Variants in RTF2 observed in about 807,000 individuals in gnomAD.
The protein encoded by RTF2 is UPF0549 protein C20orf43.
RTF2 carries 18 observed loss-of-function variants against 38.0 expected under a neutral mutation model. The observed-to-expected ratio is 0.47, with a 90% CI of 0.33 to 0.70. RTF2 has a LOEUF of 0.70. Among genes scored for constraint, RTF2 ranks in the 30% least tolerant of loss-of-function variants. The pLI is 0.02. For synonymous variants in RTF2, 126 were observed against 137.1 expected (o/e 0.92, Z 0.57); for missense variants, 311 against 379.6 (o/e 0.82, Z 1.50).
chr20:56,509,064 T>C (rs1261422999), intron 5 of RTF2, among the ~76,000 whole-genome samples: 5 of 152,232 alleles, frequency 3.3e-5, no homozygotes, highest in African/African-American at 1.2e-4. Context: ...GTGTAAGATA[T>C]TTTGTCATAA....
chr20:56,502,738 A>C (rs916287677), intron 5 of RTF2, among the ~76,000 whole-genome samples: 12 of 152,214 alleles, frequency 7.9e-5, no homozygotes, highest in African/African-American at 2.9e-4. Flanking sequence ...TTGATTTAGC[A>C]CCCAAAGTTT....
intron 5 of RTF2, chr20:56,491,512 C>T: frequency 3.3e-6 from 4 of 1,205,832 alleles, no homozygotes; most frequent in Non-Finnish European, 4.8e-6. Context: ...TCTCTTGTTT[C>T]AAGTCAAGGA....
intron 5 of RTF2, chr20:56,497,577 A>G: frequency 7.4e-7 from 1 of 1,346,626 alleles, no homozygotes; most frequent in Non-Finnish European, 9.8e-7. Context: ...CCTCACGACA[A>G]GTCCAGACTT....
rs987316789 is a variant in RTF2 at position 56,481,736 on chromosome 20, C to T, written c.399-2375C>T. Among the ~76,000 whole-genome samples, 10 of 152,292 alleles carry T rather than the reference C, an allele frequency of 6.6e-5. No individual in the cohort carries two copies. The South Asian group carries it at 1.7e-3, about 25-fold the overall frequency. On this transcript the variant is annotated intron_variant, in intron 4 of 8. Transcript: ENST00000357348. ...CATTTAGTACATTCACAGTGTTGTA[C>T]GGTCACCACCTCTATCTGGTTCCAG...
intron 2 of RTF2, among the ~76,000 whole-genome samples, chr20:56,473,722 A>G (rs781146162): frequency 6.6e-6 from 1 of 152,096 alleles, no homozygotes; most frequent in African/African-American, 2.4e-5. Context: ...CACCTCTACA[A>G]AAAAATTAAA....
chr20:56,493,177 A>G (rs900102199), intron 5 of RTF2, among the ~76,000 whole-genome samples: 2 of 152,124 alleles, frequency 1.3e-5, no homozygotes, highest in Non-Finnish European at 2.9e-5. Flanking sequence ...TCCATCTCCA[A>G]AAAAAACCTA....
intron 5 of RTF2, among the ~76,000 whole-genome samples, chr20:56,510,565 A>G (rs1249745430): frequency 2.0e-5 from 3 of 152,222 alleles, no homozygotes; most frequent in Non-Finnish European, 4.4e-5. Flanking sequence ...TTTATTTTTA[A>G]AAACTTGCCA....
At chr20:56,483,845 A>C (rs1273489638) in intron 4 of RTF2, among the ~76,000 whole-genome samples, 1 of 152,116 alleles carries the variant, frequency 6.6e-6, no homozygotes, top group African/African-American at 2.4e-5. Flanking sequence ...TGAATCTTAT[A>C]TTTATTGAAA....
At chr20:56,482,342 A>G (rs56104586) in intron 4 of RTF2, among the ~76,000 whole-genome samples, 54,572 of 152,100 alleles carry the variant, frequency 0.36, 10,063 homozygotes, top group East Asian at 0.63. Flanking sequence ...TACCTAATAC[A>G]ATATAAATGC....
At chr20:56,510,221 A>G (rs2146370238) in intron 5 of RTF2, among the ~76,000 whole-genome samples, 1 of 152,352 alleles carries the variant, frequency 6.6e-6, no homozygotes, top group African/African-American at 2.4e-5. Flanking sequence ...TCTATACTTC[A>G]TTATGTTATG....
intron 5 of RTF2, among the ~76,000 whole-genome samples, chr20:56,510,711 G>A (rs887846750): frequency 1.3e-5 from 2 of 152,122 alleles, no homozygotes; most frequent in Non-Finnish European, 2.9e-5. Context: ...AGGTTGAGGC[G>A]GGTGGATTAC....
intron 4 of RTF2, 99 bp from the exon 5 acceptor site, chr20:56,484,012 A>G: frequency 1.0e-6 from 1 of 975,730 alleles, no homozygotes; most frequent in South Asian, 1.5e-5. Context: ...AAATGTAACT[A>G]TTTTAATCTT....
intron 4 of RTF2, among the ~76,000 whole-genome samples, chr20:56,481,340 C>T (rs143812573): frequency 1.3e-5 from 2 of 152,272 alleles, no homozygotes; most frequent in East Asian, 3.9e-4. Context: ...GGCCGTGTTG[C>T]GTGTGGCAGA....
chr20:56,515,001 C>T (rs1984932635), intron 6 of RTF2, among the ~76,000 whole-genome samples: 2 of 150,094 alleles, frequency 1.3e-5, no homozygotes, highest in Non-Finnish European at 3.0e-5. Flanking sequence ...GAGCCGAGAT[C>T]GCACCTCTGC....
intron 3 of RTF2, among the ~76,000 whole-genome samples, chr20:56,475,901 A>G (rs372875016): frequency 1.3e-5 from 2 of 152,382 alleles, no homozygotes; most frequent in East Asian, 3.9e-4. Context: ...ATGCTAATAC[A>G]TAAGATTGTC....
At chr20:56,501,618 A>G (rs1396083479) in intron 5 of RTF2, among the ~76,000 whole-genome samples, 1 of 152,174 alleles carries the variant, frequency 6.6e-6, no homozygotes, top group Admixed American at 6.5e-5. Flanking sequence ...TTCCTTGTGT[A>G]TTACTAGATC....
intron 4 of RTF2, among the ~76,000 whole-genome samples, chr20:56,482,486 G>A (rs976345269): frequency 2.0e-5 from 3 of 152,190 alleles, no homozygotes; most frequent in African/African-American, 7.2e-5. Context: ...GATGCGGAAC[G>A]CATGGATATA....
intron 5 of RTF2, among the ~76,000 whole-genome samples, chr20:56,489,791 T>C (rs1162793561): frequency 6.6e-6 from 1 of 152,246 alleles, no homozygotes; most frequent in Non-Finnish European, 1.5e-5. Context: ...TTTTTTATTG[T>C]TCCTTTAATG....
chr20:56,518,075 T>C lies in RTF2; in HGVS notation c.743-12T>C. On this transcript the variant is annotated splice_polypyrimidine_tract_variant and intron_variant, in intron 8 of 8. Transcript: ENST00000357348. ...TCCCAACCCTGACAGTTTTGGCTCT[T>C]CATTTTTCTAGCAATGAATGAGAGC... 6.2e-7 allele frequency: 1 copy of C among 1,600,988 alleles called. No individual in the cohort carries two copies. Among genetic ancestry groups the C allele is most frequent in the East Asian group, 2.2e-5 (1 of 44,768 alleles).
Sources: allele counts gnomAD v4.1 joint callset (sites outside exome capture counted in the v4.1 genomes callset), GRCh38; gene constraint gnomAD v4.1.1; transcripts MANE v1.5; gene names NCBI Gene and HGNC (gene_info 2026-07-23, HGNC 2026-07-21).